Variants in PTPRD observed in about 807,000 individuals in gnomAD.
The protein encoded by PTPRD is protein tyrosine phosphatase receptor type D, also known as receptor-type tyrosine-protein phosphatase delta.
A neutral mutation model predicts 214.5 loss-of-function variants in PTPRD; 34 were observed. The observed-to-expected ratio is 0.16, with a 90% CI of 0.12 to 0.21. The LOEUF is 0.21. Among genes scored for constraint, PTPRD ranks in the 10% least tolerant of loss-of-function variants. PTPRD has a pLI of 1.00. For synonymous variants in PTPRD, 1,128 were observed against 845.7 expected (o/e 1.33, Z -5.79); for missense variants, 2,545 against 2,398.7 (o/e 1.06, Z -1.27).
chr9:9,860,075 T>C lies in PTPRD; in HGVS notation c.-368+78432A>G, dbSNP rs116218022. Among the ~76,000 whole-genome samples, 1,378 of 152,296 alleles carry C rather than the reference T, an allele frequency of 9.0e-3. 20 individuals are homozygous for C. Among genetic ancestry groups the C allele is most frequent in the African/African-American group, 0.031 (1,288 of 41,574 alleles). On this transcript the variant is annotated intron_variant, in intron 5 of 45. Transcript: ENST00000381196. ...TGTTTAGTAACATATATGCACACAA[T>C]GAATAAAGTAAAATTCACATGGCCA...
At chr9:9,821,097 T>G (rs1387473813) in intron 5 of PTPRD, among the ~76,000 whole-genome samples, 1 of 152,188 alleles carries the variant, frequency 6.6e-6, no homozygotes, top group Non-Finnish European at 1.5e-5. Context: ...ATTGATTATT[T>G]CAATCCATGA....
At chr9:10,170,584 G>C (rs2099196153) in intron 3 of PTPRD, among the ~76,000 whole-genome samples, 1 of 152,104 alleles carries the variant, frequency 6.6e-6, no homozygotes, top group African/African-American at 2.4e-5. Context: ...CTACTCTGGA[G>C]GCTGAGGCAG....
At chr9:9,962,155 G>C (rs536596922) in intron 4 of PTPRD, among the ~76,000 whole-genome samples, 2 of 152,172 alleles carry the variant, frequency 1.3e-5, no homozygotes, top group South Asian at 4.1e-4. Flanking sequence ...ATACTGTTAA[G>C]CTTTCTAAAA....
intron 4 of PTPRD, among the ~76,000 whole-genome samples, chr9:9,961,382 A>T (rs2094353577): frequency 6.6e-6 from 1 of 152,148 alleles, no homozygotes; most frequent in South Asian, 2.1e-4. Context: ...TTAATAAATA[A>T]GTGAAATTGA....
At chr9:8,448,740 G>T (rs77061734) in intron 34 of PTPRD, among the ~76,000 whole-genome samples, 198 of 152,168 alleles carry the variant, frequency 1.3e-3, no homozygotes, top group African/African-American at 3.6e-3. Context: ...AAAATATGCT[G>T]AACATAATAA....
At chr9:9,281,918 C>G (rs139877077) in intron 9 of PTPRD, among the ~76,000 whole-genome samples, 1 of 150,850 alleles carries the variant, frequency 6.6e-6, no homozygotes, top group African/African-American at 2.4e-5. Context: ...TTATTCAGCA[C>G]TAAAATATTA....
At chr9:8,831,165 A>G (rs531905022) in intron 11 of PTPRD, among the ~76,000 whole-genome samples, 1 of 152,210 alleles carries the variant, frequency 6.6e-6, no homozygotes, top group African/African-American at 2.4e-5. Flanking sequence ...TGACAGTAAG[A>G]GGGAGGGTTG....
At chr9:9,598,759 AT>A (rs1296471953) in intron 7 of PTPRD, among the ~76,000 whole-genome samples, 1 of 151,936 alleles carries the variant, frequency 6.6e-6, no homozygotes, top group African/African-American at 2.4e-5. Context: ...CTTGTCCCAT[AT>A]TTAATTAATC....
At chr9:10,276,875 T>C (rs1209258443) in intron 3 of PTPRD, among the ~76,000 whole-genome samples, 1 of 152,180 alleles carries the variant, frequency 6.6e-6, no homozygotes, top group African/African-American at 2.4e-5. Context: ...CTGCTCTTCT[T>C]TGAGTACACA....
intron 14 of PTPRD, among the ~76,000 whole-genome samples, chr9:8,533,836 A>T (rs2076289810): frequency 6.6e-6 from 1 of 151,976 alleles, no homozygotes; most frequent in South Asian, 2.1e-4. Flanking sequence ...TTCAGCACTC[A>T]CTCATGAGGT....
At chr9:9,880,781 A>G (rs79423927) in intron 5 of PTPRD, among the ~76,000 whole-genome samples, 1 of 152,194 alleles carries the variant, frequency 6.6e-6, no homozygotes, top group East Asian at 1.9e-4. Context: ...CCAAGCATGT[A>G]TTTCTATTGA....
intron 14 of PTPRD, among the ~76,000 whole-genome samples, chr9:8,613,826 C>T (rs565259095): frequency 3.3e-5 from 5 of 152,136 alleles, no homozygotes; most frequent in Non-Finnish European, 7.3e-5. Flanking sequence ...CCTGAGGGAC[C>T]AGGAGAATTA....
At chr9:9,388,546 A>G (rs1172170199) in intron 9 of PTPRD, among the ~76,000 whole-genome samples, 1 of 152,200 alleles carries the variant, frequency 6.6e-6, no homozygotes, top group African/African-American at 2.4e-5. Context: ...TTTAAGCAAC[A>G]GTCAGGTACT....
At chr9:9,995,726 G>A (rs2096097271) in intron 4 of PTPRD, among the ~76,000 whole-genome samples, 1 of 152,192 alleles carries the variant, frequency 6.6e-6, no homozygotes, top group Admixed American at 6.5e-5. Context: ...CAATTACAGT[G>A]TATTGTGTTT....
At chr9:10,282,297 G>T (rs1224030758) in intron 3 of PTPRD, among the ~76,000 whole-genome samples, 2 of 152,238 alleles carry the variant, frequency 1.3e-5, no homozygotes, top group East Asian at 3.9e-4. Flanking sequence ...AACGGATATG[G>T]AAATGCTTTT....
chr9:8,756,523 T>C (rs1598848006), intron 11 of PTPRD, among the ~76,000 whole-genome samples: 2 of 152,188 alleles, frequency 1.3e-5, no homozygotes, highest in South Asian at 4.1e-4. Flanking sequence ...ATGTTAAAGC[T>C]GTATCAGTTG....
chr9:10,453,690 A>AT (rs201142233), intron 2 of PTPRD, among the ~76,000 whole-genome samples: 1,576 of 150,564 alleles, frequency 0.01, 22 homozygotes, highest in African/African-American at 0.029. Context: ...CTCACCAGTT[A>AT]TTTTTTTTTG....
intron 3 of PTPRD, among the ~76,000 whole-genome samples, chr9:10,060,650 T>A (rs1380578381): frequency 6.6e-6 from 1 of 151,674 alleles, no homozygotes; most frequent in African/African-American, 2.4e-5. Context: ...ACATGACAAA[T>A]TGCATGCAAA....
intron 3 of PTPRD, among the ~76,000 whole-genome samples, chr9:10,133,869 TG>T (rs1274763740): frequency 1.3e-5 from 2 of 152,200 alleles, no homozygotes; most frequent in Non-Finnish European, 2.9e-5. Context: ...TGTGATTTTT[TG>T]TTGTTGGTAA....
Sources: allele counts gnomAD v4.1 joint callset (sites outside exome capture counted in the v4.1 genomes callset), GRCh38; gene constraint gnomAD v4.1.1; transcripts MANE v1.5; gene names NCBI Gene and HGNC (gene_info 2026-07-23, HGNC 2026-07-21).